Variants in PPFIBP1 observed in about 807,000 individuals in gnomAD.
The protein encoded by PPFIBP1 is PPFIB scaffold protein 1.
PPFIBP1 carries 112 observed loss-of-function variants against 137.8 expected under a neutral mutation model. The ratio of observed to expected loss-of-function variants is 0.81; its 90% CI spans 0.70 to 0.95. The LOEUF is 0.95. PPFIBP1 is among the 40% of genes least tolerant of loss of function. PPFIBP1 has a pLI of 0.00. For synonymous variants in PPFIBP1, 378 were observed against 417.3 expected (o/e 0.91, Z 1.15); for missense variants, 1,083 against 1,196.6 (o/e 0.91, Z 1.40).
chr12:27,675,111 G>A (rs1480757092), intron 17 of PPFIBP1, among the ~76,000 whole-genome samples: 2 of 151,758 alleles, frequency 1.3e-5, no homozygotes, highest in East Asian at 3.9e-4. Flanking sequence ...CAAAGTACTG[G>A]GATTACAGGC....
chr12:27,668,526 A>G (rs909418754), intron 13 of PPFIBP1, among the ~76,000 whole-genome samples: 17 of 152,222 alleles, frequency 1.1e-4, no homozygotes, highest in African/African-American at 4.1e-4. Flanking sequence ...TTTGCAGATG[A>G]GTAGTTTTCT....
chr12:27,684,884 A>G (rs1188621879), intron 24 of PPFIBP1, among the ~76,000 whole-genome samples: 1 of 152,186 alleles, frequency 6.6e-6, no homozygotes, highest in Non-Finnish European at 1.5e-5. Flanking sequence ...CATCTTACGT[A>G]ATCATGATTA....
At position 27,595,852 on chromosome 12, in the gene PPFIBP1, T is replaced by TCAA. The variant is rs1235600375; in HGVS notation, c.-36+17644_-36+17646dup. Among the ~76,000 whole-genome samples, 648 of 126,542 alleles carry TCAA rather than the reference T, an allele frequency of 5.1e-3. 5 individuals carry two copies. Among genetic ancestry groups the TCAA allele is most frequent in the African/African-American group, 0.018 (540 of 29,476 alleles). 83.0% of individuals were successfully genotyped at this position (126,542 alleles called of 152,430 possible). ...CTGGGCAACAACAGCGACACTCTGATCAACAACAACAACAACAACAACAAC... is the reference window on the plus strand; with the variant it reads ...CTGGGCAACAACAGCGACACTCTGATCAACAACAACAACAACAACAACAACAAC... On this transcript the variant is annotated intron_variant, in intron 2 of 29. Coordinates refer to ENST00000228425, the MANE Select transcript of PPFIBP1 (RefSeq NM_003622.4).
At chr12:27,682,362 A>G (rs776679931) in intron 22 of PPFIBP1, 25 bp from the exon 23 acceptor site, 2 of 1,531,366 alleles carry the variant, frequency 1.3e-6, no homozygotes, top group Non-Finnish European at 1.8e-6. Context: ...AGATAGAATT[A>G]TAAAGTCAAT....
At chr12:27,593,701 G>A (rs2052818172) in intron 2 of PPFIBP1, 2 of 595,104 alleles carry the variant, frequency 3.4e-6, no homozygotes, top group Non-Finnish European at 3.0e-6. Context: ...TTTATCCACA[G>A]GTTGGCTCCA....
At chr12:27,628,657 A>G (rs2057029980) in intron 2 of PPFIBP1, among the ~76,000 whole-genome samples, 1 of 152,218 alleles carries the variant, frequency 6.6e-6, no homozygotes, top group Non-Finnish European at 1.5e-5. Flanking sequence ...TTCATGACAT[A>G]TTATCATCAT....
intron 2 of PPFIBP1, among the ~76,000 whole-genome samples, chr12:27,596,624 C>T (rs1479556109): frequency 6.6e-6 from 1 of 152,168 alleles, no homozygotes; most frequent in East Asian, 1.9e-4. Context: ...TGGCCTCAAG[C>T]AAACTTCCTC....
chr12:27,598,981 A>T (rs1592746925), intron 2 of PPFIBP1, among the ~76,000 whole-genome samples: 1 of 152,308 alleles, frequency 6.6e-6, no homozygotes, highest in Non-Finnish European at 1.5e-5. Context: ...GTGGATTTAT[A>T]ATGTTTTAGG....
In PPFIBP1 at chr12:27,695,370, T is replaced by A. The variant is rs1366717836; in HGVS notation, c.*2488T>A. ...CTCCTGACCTCGTGAATCGCCCCCC[T>A]CGGTCTCCCAAAGTGCTGGGATTAC... On this transcript the variant is annotated 3_prime_UTR_variant, in exon 30 of 30. Coordinates refer to ENST00000228425, the MANE Select transcript of PPFIBP1 (RefSeq NM_003622.4). The A allele has an allele frequency of 6.6e-6, 1 of 152,228 alleles. No individual in the cohort carries two copies. The highest frequency in any genetic ancestry group is 2.4e-5 in the African/African-American group (1 of 41,426). The allele number at this position is 152,228 out of a possible 1,614,324, so 9.4% of individuals were successfully genotyped here.
chr12:27,656,645 A>G lies in PPFIBP1; in HGVS notation c.726A>G (p.Leu242=). 1 of 1,611,824 alleles carries G rather than the reference A, an allele frequency of 6.2e-7. No individual in the cohort carries two copies. Among genetic ancestry groups the G allele is most frequent in the Non-Finnish European group, 8.5e-7 (1 of 1,178,164 alleles). The change falls in exon 9 of 30, where the codon CTA becomes CTG. Residue 242 remains leucine, a synonymous_variant. Transcript: ENST00000228425. The part of the protein sequence containing the change: ...KDELASLKEQ[L]EEKESEVKRL... ...AACTGGCATCTTTAAAAGAACAACTAGAAGAAAAGGAATCTGAAGTAAAAA... is the reference window on the plus strand; with the variant it reads ...AACTGGCATCTTTAAAAGAACAACTGGAAGAAAAGGAATCTGAAGTAAAAA...
intron 2 of PPFIBP1, among the ~76,000 whole-genome samples, chr12:27,578,587 A>G (rs774634183): frequency 1.8e-4 from 27 of 150,338 alleles, no homozygotes; most frequent in African/African-American, 5.9e-4. Flanking sequence ...CCATTTCACT[A>G]CCTTATCTAC....
At chr12:27,591,762 G>A (rs183237798) in intron 2 of PPFIBP1, among the ~76,000 whole-genome samples, 152 of 152,268 alleles carry the variant, frequency 1.0e-3, no homozygotes, top group African/African-American at 3.5e-3. Flanking sequence ...GTTCACAGTC[G>A]TCACATTGCT....
At chr12:27,605,821 T>C (rs970180289) in intron 2 of PPFIBP1, among the ~76,000 whole-genome samples, 12 of 152,168 alleles carry the variant, frequency 7.9e-5, no homozygotes, top group African/African-American at 2.7e-4. Context: ...TTTAAAAAAT[T>C]CCTGATAGCC....
chr12:27,579,505 T>C (rs1472528746), intron 2 of PPFIBP1, among the ~76,000 whole-genome samples: 1 of 152,230 alleles, frequency 6.6e-6, no homozygotes, highest in African/African-American at 2.4e-5. Context: ...TTTGTCTTTA[T>C]GAATAGAATC....
rs561673516 is a variant in PPFIBP1, at chr12:27,638,877, C to T, written c.270+3762C>T. 3.4e-5 allele frequency among the ~76,000 whole-genome samples: 5 copies of T among 147,078 alleles called. No homozygotes were observed. The East Asian group carries it at 8.1e-4, about 24-fold the overall frequency. ...TAATAACAGACATATAATTAAGGTT[C>T]CATTCATGTTTAATGATGGCCAACT... On this transcript the variant is annotated intron_variant, in intron 4 of 29. Transcript: ENST00000228425.
At chr12:27,595,886 A>AAAATATAT (rs2053201584) in intron 2 of PPFIBP1, among the ~76,000 whole-genome samples, 6 of 102,466 alleles carry the variant, frequency 5.9e-5, no homozygotes, top group African/African-American at 2.0e-4. Context: ...ACAACAACAA[A>AAAATATAT]ATATATATAT....
intron 1 of PPFIBP1, among the ~76,000 whole-genome samples, chr12:27,570,707 G>T (rs565989882): frequency 6.6e-6 from 1 of 151,888 alleles, no homozygotes; most frequent in Non-Finnish European, 1.5e-5. Flanking sequence ...TCCGGAGATC[G>T]AGACCATCCT....
chr12:27,533,810 G>A (rs1200576025), intron 1 of PPFIBP1, among the ~76,000 whole-genome samples: 1 of 152,140 alleles, frequency 6.6e-6, no homozygotes, highest in Non-Finnish European at 1.5e-5. Flanking sequence ...AAATGGTCAG[G>A]CAAAAAAGAA....
intron 14 of PPFIBP1, 27 bp from the exon 15 acceptor site, chr12:27,672,400 A>G (rs889513975): frequency 6.3e-7 from 1 of 1,576,906 alleles, no homozygotes; most frequent in African/African-American, 1.3e-5. Context: ...TGAAGTTAAT[A>G]AATACCTTTT....
Sources: gnomAD v4.1 joint callset for allele counts (sites outside exome capture counted in the v4.1 genomes callset) on GRCh38, gnomAD v4.1.1 for gene constraint, MANE v1.5 for transcripts, NCBI Gene and HGNC (gene_info 2026-07-23, HGNC 2026-07-21) for gene names.